Variants in PIK3AP1 observed in about 807,000 individuals in gnomAD.
PIK3AP1 encodes the protein phosphoinositide 3-kinase adapter protein 1.
In PIK3AP1, 21 loss-of-function variants were observed where a neutral mutation model predicts 88.1. That is an observed-to-expected ratio of 0.24 (90% CI 0.17 to 0.34). The LOEUF is 0.34. Ranked by LOEUF, PIK3AP1 falls within the 10% of genes least tolerant of loss-of-function variation. The pLI is 1.00. For synonymous variants in PIK3AP1, 398 were observed against 400.0 expected (o/e 1.00, Z 0.06); for missense variants, 828 against 1,035.7 (o/e 0.80, Z 2.75).
chr10:96,616,704 A>C lies in PIK3AP1; in HGVS notation c.1949T>G (p.Leu650Arg). The C allele has an allele frequency of 6.2e-7, 1 of 1,614,204 alleles. No homozygotes were observed. Among genetic ancestry groups the C allele is most frequent in the Non-Finnish European group, 8.5e-7 (1 of 1,180,018 alleles). Reference sequence around the variant, plus strand: ...GGTGATGCTGTCTCTTAGCCGTTTAAGATTTTCCTGGAAAAAAATTTGGTT... The same window carrying C: ...GGTGATGCTGTCTCTTAGCCGTTTACGATTTTCCTGGAAAAAAATTTGGTT... ...SESFRFQQENLKRLRDSITRR... is the reference protein window; with the variant it reads ...SESFRFQQENRKRLRDSITRR... Residue 650 changes from leucine (L) to arginine (R), a missense_variant, in exon 13 of 17, where the codon CTT (leucine) becomes CGT (arginine). This residue lies in a region of PIK3AP1 where 191 missense variants were observed against 208.6 expected (regional missense o/e 0.92). Coordinates refer to ENST00000339364, the MANE Select transcript of PIK3AP1 (RefSeq NM_152309.3).
intron 16 of PIK3AP1, among the ~76,000 whole-genome samples, chr10:96,599,222 G>A (rs764312533): frequency 6.6e-6 from 1 of 152,164 alleles, no homozygotes; most frequent in Non-Finnish European, 1.5e-5. Context: ...CCAGGTTTGG[G>A]GCTTGGGGAA....
chr10:96,642,425 C>CAAAAAAAAAAAAAAAAAAAAAAAGAAA (rs34912752), intron 8 of PIK3AP1, among the ~76,000 whole-genome samples: 1 of 98,964 alleles, frequency 1.0e-5, no homozygotes, highest in African/African-American at 3.7e-5. Flanking sequence ...GATGTTGTCT[C>CAAAAAAAAAAAAAAAAAAAAAAAGAAA]AAAAAAAAAA....
intron 2 of PIK3AP1, among the ~76,000 whole-genome samples, chr10:96,702,841 C>A (rs1010569403): frequency 6.6e-5 from 10 of 152,070 alleles, no homozygotes; most frequent in African/African-American, 2.4e-4. Context: ...ATTTTGGAAT[C>A]TATTTGATTA....
At chr10:96,669,201 A>G (rs1843807570) in intron 2 of PIK3AP1, among the ~76,000 whole-genome samples, 1 of 152,168 alleles carries the variant, frequency 6.6e-6, no homozygotes, top group East Asian at 1.9e-4. Flanking sequence ...GTCTGGAGAA[A>G]CTTCCAGAGG....
chr10:96,704,510 G>T (rs913341251), intron 2 of PIK3AP1, among the ~76,000 whole-genome samples: 2 of 152,198 alleles, frequency 1.3e-5, no homozygotes, highest in East Asian at 1.9e-4. Flanking sequence ...TTGAGGTCAG[G>T]AGTTCAAGAC....
intron 2 of PIK3AP1, among the ~76,000 whole-genome samples, chr10:96,670,871 G>A (rs1434131961): frequency 6.6e-6 from 1 of 152,124 alleles, no homozygotes; most frequent in Non-Finnish European, 1.5e-5. Flanking sequence ...ATCCCACCCC[G>A]AGCAAGCGCT....
At chr10:96,646,250 ACT>A (rs779217263) in intron 7 of PIK3AP1, among the ~76,000 whole-genome samples, 1 of 148,342 alleles carries the variant, frequency 6.7e-6, no homozygotes, top group Non-Finnish European at 1.5e-5. Context: ...ACAGAGCAAG[ACT>A]CTGTCTAAAA....
At chr10:96,638,447 CACACACAGACACACACACACACAG>C (rs1209451479) in intron 8 of PIK3AP1, among the ~76,000 whole-genome samples, 8 of 108,430 alleles carry the variant, frequency 7.4e-5, no homozygotes, top group African/African-American at 2.6e-4. Flanking sequence ...GACTAAGACA[CACACACAGACACACACACACACAG>C]ACACACACAC....
At chr10:96,647,495 A>G (rs956830461) in intron 7 of PIK3AP1, among the ~76,000 whole-genome samples, 3 of 152,098 alleles carry the variant, frequency 2.0e-5, no homozygotes, top group African/African-American at 7.3e-5. Flanking sequence ...GAAATGCTAC[A>G]TTTGGTACAT....
intron 2 of PIK3AP1, among the ~76,000 whole-genome samples, chr10:96,679,423 G>A (rs974357289): frequency 6.6e-6 from 1 of 151,990 alleles, no homozygotes; most frequent in African/African-American, 2.4e-5. Flanking sequence ...AGCTACTCAG[G>A]AGGCTGAGGC....
intron 13 of PIK3AP1, among the ~76,000 whole-genome samples, chr10:96,614,909 T>C (rs1849188789): frequency 6.6e-6 from 1 of 152,146 alleles, no homozygotes; most frequent in African/African-American, 2.4e-5. Context: ...GGAAGGGAGA[T>C]GGGGTGTTGG....
intron 2 of PIK3AP1, among the ~76,000 whole-genome samples, chr10:96,674,224 A>G (rs568935160): frequency 6.6e-6 from 1 of 152,382 alleles, no homozygotes; most frequent in South Asian, 2.1e-4. Context: ...AAGACTCTAA[A>G]GATATTCTAC....
In PIK3AP1 at chr10:96,651,554, C is replaced by T. The variant is rs143553385; in HGVS notation, c.810G>A (p.Gly270=). The T allele has an allele frequency of 6.2e-7, 1 of 1,614,178 alleles. No individual in the cohort carries two copies. The highest frequency in any genetic ancestry group is 8.5e-7 in the Non-Finnish European group (1 of 1,180,030). ...GATTCGCGGCATTGGACAATAAATT[C>T]CCAATTTCTTCCATGTCAGTATAAT... ...ISYYTDMEEI[G]NLLSNAANPV... The change falls in exon 5 of 17, where the codon GGG becomes GGA. Residue 270 remains glycine (G), a synonymous_variant. Transcript: ENST00000339364.
At chr10:96,638,722 T>G (rs2134220679) in intron 8 of PIK3AP1, among the ~76,000 whole-genome samples, 1 of 152,332 alleles carries the variant, frequency 6.6e-6, no homozygotes, top group Middle Eastern at 3.4e-3. Flanking sequence ...TCGCACGCGG[T>G]AGCCCACCTG....
chr10:96,689,516 G>A lies in PIK3AP1; in HGVS notation c.430+20051C>T, dbSNP rs563025435. The stretch of plus-strand genomic sequence containing the variant: ...ACCCAAGAGGCGGAGCTTGCAGTGA[G>A]CCAAGATCGCACCACTGCACTCCAG... On this transcript the variant is annotated intron_variant, in intron 2 of 16. Coordinates refer to ENST00000339364, the MANE Select transcript of PIK3AP1 (RefSeq NM_152309.3). 5.8e-5 allele frequency among the ~76,000 whole-genome samples: 8 copies of A among 139,080 alleles called. No homozygotes were observed. In the South Asian group the frequency reaches 1.8e-3, roughly 32 times the overall value. 91.2% of individuals were successfully genotyped at this position (139,080 alleles called of 152,430 possible).
chr10:96,595,753 A>G (rs1300010618), intron 16 of PIK3AP1, 119 bp from the exon 17 acceptor site: 2 of 928,850 alleles, frequency 2.2e-6, no homozygotes, highest in Non-Finnish European at 3.4e-6. Flanking sequence ...TCAATGAGAC[A>G]GGACACACAT....
chr10:96,648,451 C>G (rs975088928), intron 7 of PIK3AP1, among the ~76,000 whole-genome samples: 1 of 152,206 alleles, frequency 6.6e-6, no homozygotes, highest in Non-Finnish European at 1.5e-5. Context: ...CCCAACGTCA[C>G]AAGGCTAACA....
intron 2 of PIK3AP1, among the ~76,000 whole-genome samples, chr10:96,666,493 C>T (rs1843764931): frequency 6.6e-6 from 1 of 152,134 alleles, no homozygotes; most frequent in African/African-American, 2.4e-5. Context: ...AATTAGTCGA[C>T]ACTAAAGCTT....
In PIK3AP1 at chr10:96,687,180, C is replaced by T. The variant is rs534992681; in HGVS notation, c.430+22387G>A. Reference sequence around the variant, plus strand: ...CTGAGGCAGGAGAATAGTGTGAACCCGGGAGGAGGAGCTTGCAGTGAGCCG... The same window carrying T: ...CTGAGGCAGGAGAATAGTGTGAACCTGGGAGGAGGAGCTTGCAGTGAGCCG... On this transcript the variant is annotated intron_variant, in intron 2 of 16. Transcript: ENST00000339364. Among the ~76,000 whole-genome samples, 381 of 140,052 alleles carry T rather than the reference C, an allele frequency of 2.7e-3. 1 individual carries two copies. The highest frequency in any genetic ancestry group is 9.8e-3 in the African/African-American group (363 of 37,074). The allele number at this position is 140,052 out of a possible 152,430, so 91.9% of individuals were successfully genotyped here. A position where few individuals can be genotyped will look rare whatever the true frequency, so the allele number is the denominator to read the frequency against.
Sources: allele counts gnomAD v4.1 joint callset (sites outside exome capture counted in the v4.1 genomes callset), GRCh38; gene constraint gnomAD v4.1.1; regional missense constraint gnomAD v4.1.1; transcripts MANE v1.5; gene names NCBI Gene and HGNC (gene_info 2026-07-23, HGNC 2026-07-21).